CADM1: variants seen among roughly 807,000 people sequenced by gnomAD.
The protein encoded by CADM1 is cell adhesion molecule 1.
A neutral mutation model predicts 53.1 loss-of-function variants in CADM1; 15 were observed. The ratio of observed to expected loss-of-function variants is 0.28; its 90% CI spans 0.19 to 0.44. The LOEUF (loss-of-function observed/expected upper bound fraction) is 0.44. Among genes scored for constraint, CADM1 ranks in the 20% least tolerant of loss-of-function variants. The probability of loss-of-function intolerance (pLI) is 1.00; values close to 1 mark genes in which losing one functional copy is unlikely to be tolerated. For missense variants in CADM1, 434 were observed against 611.3 expected (o/e 0.71, Z 3.06); for synonymous variants, 281 against 243.0 (o/e 1.16, Z -1.45).
At chr11:115,452,014 T>C (rs905447683) in intron 1 of CADM1, among the ~76,000 whole-genome samples, 2 of 152,154 alleles carry the variant, frequency 1.3e-5, no homozygotes, top group African/African-American at 2.4e-5. Context: ...GGGAGAACTA[T>C]TCAAGGAATG....
At chr11:115,381,054 C>T (rs1359230804) in intron 1 of CADM1, among the ~76,000 whole-genome samples, 7 of 151,964 alleles carry the variant, frequency 4.6e-5, no homozygotes, top group Non-Finnish European at 8.8e-5. Flanking sequence ...AATCCCACTT[C>T]GGGATTCTGA....
chr11:115,297,807 T>C (rs1028027923), intron 1 of CADM1, among the ~76,000 whole-genome samples: 3 of 152,172 alleles, frequency 2.0e-5, no homozygotes, highest in Admixed American at 2.0e-4. Flanking sequence ...TGCAGGTAAA[T>C]TGTGCATGAG....
intron 1 of CADM1, among the ~76,000 whole-genome samples, chr11:115,300,637 C>T (rs1017615812): frequency 2.0e-5 from 3 of 152,042 alleles, no homozygotes; most frequent in Admixed American, 1.3e-4. Flanking sequence ...AAAGGGAATG[C>T]TCGTATCCCT....
At chr11:115,415,610 G>A (rs142714986) in intron 1 of CADM1, among the ~76,000 whole-genome samples, 169 of 152,030 alleles carry the variant, frequency 1.1e-3, no homozygotes, top group African/African-American at 3.8e-3. Flanking sequence ...GCCAAGGCAC[G>A]TGGATCACCT....
At chr11:115,303,035 G>T (rs56094217) in intron 1 of CADM1, among the ~76,000 whole-genome samples, 24,210 of 152,090 alleles carry the variant, frequency 0.16, 2,235 homozygotes, top group East Asian at 0.35. Flanking sequence ...GATGAGCAGA[G>T]TGTATGCTGC....
At chr11:115,448,284 G>A (rs1359073759) in intron 1 of CADM1, among the ~76,000 whole-genome samples, 1 of 152,086 alleles carries the variant, frequency 6.6e-6, no homozygotes, top group African/African-American at 2.4e-5. Context: ...GGTATAAGTA[G>A]AATATGAATA....
chr11:115,322,321 G>C (rs574286081), intron 1 of CADM1, among the ~76,000 whole-genome samples: 1 of 152,284 alleles, frequency 6.6e-6, no homozygotes, highest in Non-Finnish European at 1.5e-5. Flanking sequence ...ACACAAAAAT[G>C]AATCTGACGC....
intron 1 of CADM1, among the ~76,000 whole-genome samples, chr11:115,254,593 C>CACACACACACAGAG (rs1491508599): frequency 1.5e-4 from 20 of 136,420 alleles, no homozygotes; most frequent in African/African-American, 5.8e-4. Context: ...CACACACACA[C>CACACACACACAGAG]AGAGACAACA....
intron 1 of CADM1, among the ~76,000 whole-genome samples, chr11:115,469,534 G>A (rs906733664): frequency 6.6e-6 from 1 of 152,152 alleles, no homozygotes; most frequent in African/African-American, 2.4e-5. Flanking sequence ...AGGATGACAT[G>A]AAACTGTAAA....
intron 1 of CADM1, among the ~76,000 whole-genome samples, chr11:115,330,358 T>C (rs1945099299): frequency 1.3e-5 from 2 of 152,116 alleles, no homozygotes; most frequent in African/African-American, 2.4e-5. Context: ...TAAAGGAAAA[T>C]TGTTTCAGAA....
intron 1 of CADM1, among the ~76,000 whole-genome samples, chr11:115,309,969 T>C (rs1158144936): frequency 1.3e-5 from 2 of 152,156 alleles, no homozygotes; most frequent in Non-Finnish European, 2.9e-5. Flanking sequence ...TTCTTTAGTA[T>C]TTGAGATGGG....
At chr11:115,318,040 T>C (rs1944720153) in intron 1 of CADM1, among the ~76,000 whole-genome samples, 1 of 151,822 alleles carries the variant, frequency 6.6e-6, no homozygotes, top group Non-Finnish European at 1.5e-5. Flanking sequence ...TAACCTTCCC[T>C]ACTTATTTTT....
intron 8 of CADM1, among the ~76,000 whole-genome samples, chr11:115,199,359 G>GA (rs1555038829): frequency 6.6e-6 from 1 of 152,054 alleles, no homozygotes; most frequent in Non-Finnish European, 1.5e-5. Flanking sequence ...TTTTGTTTTT[G>GA]TTTTTTTCTT....
intron 1 of CADM1, among the ~76,000 whole-genome samples, chr11:115,375,064 A>G (rs1946404428): frequency 1.3e-5 from 2 of 152,208 alleles, no homozygotes; most frequent in Non-Finnish European, 2.9e-5. Context: ...AGAGATACAT[A>G]CTGAAATCTT....
chr11:115,259,406 A>G (rs1269387323), intron 1 of CADM1, among the ~76,000 whole-genome samples: 1 of 138,920 alleles, frequency 7.2e-6, no homozygotes, highest in Admixed American at 7.9e-5. Context: ...CCCAGGTTTA[A>G]GTGATCCTCT....
chr11:115,430,385 TATA>T (rs562301635), intron 1 of CADM1, among the ~76,000 whole-genome samples: 7 of 152,222 alleles, frequency 4.6e-5, no homozygotes, highest in Non-Finnish European at 8.8e-5. Context: ...GTTTTCTTCC[TATA>T]ATGTGTTTCA....
rs1949236539 is a variant in CADM1 at position 115,480,605 on chromosome 11, T to C, written c.124+23666A>G. ...TGGGAAGAGTGACATTTCAGTCTGC[T>C]GCTCAGACAAGGATAATCAGCACAC... On this transcript the variant is annotated intron_variant, in intron 1 of 11. Transcript: ENST00000331581. Among the ~76,000 whole-genome samples the C allele has an allele frequency of 3.3e-5, 5 of 152,220 alleles. No homozygotes were observed. In the South Asian group the frequency reaches 1.0e-3, roughly 32 times the overall value.
In CADM1 at chr11:115,455,529, T is replaced by C. The variant is rs556329351; in HGVS notation, c.124+48742A>G. Among the ~76,000 whole-genome samples, 17 of 152,202 alleles carry C rather than the reference T, an allele frequency of 1.1e-4. No individual in the cohort carries two copies. In the South Asian group the frequency reaches 2.3e-3, roughly 20 times the overall value. ...AAGCCCCTGGAATGTTCAGTGACAA[T>C]TGCAACTGTGGAAAAGATTCCAGTA... On this transcript the variant is annotated intron_variant, in intron 1 of 11. Coordinates refer to ENST00000331581, the MANE Select transcript of CADM1 (RefSeq NM_001301043.2).
At chr11:115,277,802 G>T (rs1943483959) in intron 1 of CADM1, among the ~76,000 whole-genome samples, 1 of 152,138 alleles carries the variant, frequency 6.6e-6, no homozygotes, top group Non-Finnish European at 1.5e-5. Flanking sequence ...AGGACCTTAG[G>T]ATCTAGCTGT....
Sources: gnomAD v4.1 joint callset for allele counts (sites outside exome capture counted in the v4.1 genomes callset) on GRCh38, gnomAD v4.1.1 for gene constraint, MANE v1.5 for transcripts, NCBI Gene and HGNC (gene_info 2026-07-23, HGNC 2026-07-21) for gene names.